The following ZNF680 variants were observed in gnomAD, a reference collection of about 807,000 sequenced individuals.
ZNF680 encodes the protein zinc finger protein 680, also known as hypothetical protein FLJ90430.
A neutral mutation model predicts 12.1 loss-of-function variants in ZNF680; 6 were observed. That is an observed-to-expected ratio of 0.49 (90% confidence interval 0.27 to 0.98). The LOEUF (loss-of-function observed/expected upper bound fraction) is 0.98. Among genes scored for constraint, ZNF680 ranks in the 50% least tolerant of loss-of-function variants. ZNF680 has a pLI of 0.12. For synonymous variants in ZNF680, 170 were observed against 199.3 expected, an observed-to-expected ratio of 0.85 and a Z score of 1.24; for missense variants, 561 against 616.3, an observed-to-expected ratio of 0.91 and a Z score of 0.95.
intron 1 of ZNF680, among the ~76,000 whole-genome samples, chr7:64,550,985 T>TA (rs1206216201): frequency 6.6e-6 from 1 of 152,166 alleles, no homozygotes; most frequent in East Asian, 1.9e-4. Context: ...ACTGTTATAT[T>TA]ACACAATTAA....
intron 3 of ZNF680, among the ~76,000 whole-genome samples, chr7:64,538,948 T>G (rs1316550591): frequency 6.6e-6 from 1 of 151,946 alleles, no homozygotes; most frequent in African/African-American, 2.4e-5. Flanking sequence ...TTTGCCAACA[T>G]GGTGAAACCT....
intron 1 of ZNF680, among the ~76,000 whole-genome samples, chr7:64,545,355 A>G (rs1438104702): frequency 1.3e-5 from 2 of 151,742 alleles, no homozygotes; most frequent in African/African-American, 4.8e-5. Context: ...CCAAAGACAT[A>G]TATGCAAATA....
intron 1 of ZNF680, among the ~76,000 whole-genome samples, chr7:64,546,584 T>C (rs1384019940): frequency 6.6e-6 from 1 of 151,790 alleles, no homozygotes; most frequent in Non-Finnish European, 1.5e-5. Context: ...TCTATTAAAA[T>C]ACAAAAAAAT....
chr7:64,505,452 CATA>C, the ZNF680 span, among the ~76,000 whole-genome samples: 2 of 152,190 alleles, frequency 1.3e-5, no homozygotes, highest in Admixed American at 6.5e-5. Context: ...TATGCTTTTT[CATA>C]ATAAGTTCAA....
intron 3 of ZNF680, among the ~76,000 whole-genome samples, chr7:64,532,688 T>C (rs1785952920): frequency 6.6e-6 from 1 of 152,132 alleles, no homozygotes; most frequent in Non-Finnish European, 1.5e-5. Flanking sequence ...GCCAACATCA[T>C]GCTAATATCA....
At chr7:64,531,596 C>CA (rs34791051) in intron 3 of ZNF680, among the ~76,000 whole-genome samples, 3,893 of 95,020 alleles carry the variant, frequency 0.041, 192 homozygotes, top group African/African-American at 0.098. Context: ...GACTCCGTCT[C>CA]AAAAAAAAAA....
intron 1 of ZNF680, among the ~76,000 whole-genome samples, chr7:64,549,349 T>C (rs1456705236): frequency 6.6e-6 from 1 of 152,226 alleles, no homozygotes; most frequent in Non-Finnish European, 1.5e-5. Context: ...TGAGATTCTA[T>C]GTATACCTGG....
At chr7:64,499,144 C>T in the ZNF680 span, among the ~76,000 whole-genome samples, 267 of 152,064 alleles carry the variant, frequency 1.8e-3, 2 homozygotes, top group African/African-American at 5.9e-3. Context: ...ACAAAATACA[C>T]CCACTAAACT....
chr7:64,561,787 T>C (rs1476715093), intron 1 of ZNF680, among the ~76,000 whole-genome samples: 1 of 149,540 alleles, frequency 6.7e-6, no homozygotes, highest in Non-Finnish European at 1.5e-5. Context: ...ACAAAAAAAT[T>C]AGCCAGGCGT....
At chr7:64,507,997 T>C in the ZNF680 span, among the ~76,000 whole-genome samples, 1 of 150,918 alleles carries the variant, frequency 6.6e-6, no homozygotes, top group Non-Finnish European at 1.5e-5. Context: ...ATGTTCAAAA[T>C]AATAAAATAC....
chr7:64,501,293 G>A, the ZNF680 span: 4 of 1,079,532 alleles, frequency 3.7e-6, no homozygotes, highest in Admixed American at 1.7e-5. Flanking sequence ...CCCTCGAAAC[G>A]TCAGCATGTT....
At chr7:64,501,657 G>C in the ZNF680 span, 521 of 976,890 alleles carry the variant, frequency 5.3e-4, 3 homozygotes, top group East Asian at 0.013. Flanking sequence ...AGCTGGAGTT[G>C]ACCAAGGATG....
the ZNF680 span, among the ~76,000 whole-genome samples, chr7:64,506,521 CA>C: frequency 2.0e-5 from 3 of 152,128 alleles, no homozygotes; most frequent in Non-Finnish European, 2.9e-5. Context: ...TCTAAGTAAA[CA>C]AAGATAATAC....
chr7:64,536,464 C>T (rs945623207), intron 3 of ZNF680, among the ~76,000 whole-genome samples: 3 of 152,104 alleles, frequency 2.0e-5, no homozygotes, highest in Admixed American at 6.6e-5. Flanking sequence ...GAAGGAAACA[C>T]GTTCTTTTAA....
the ZNF680 span, among the ~76,000 whole-genome samples, chr7:64,513,971 G>T: frequency 1.3e-3 from 197 of 152,158 alleles, 1 homozygote; most frequent in African/African-American, 4.4e-3. Flanking sequence ...AATAATAAGA[G>T]CTAGTAAAAG....
chr7:64,557,826 A>C (rs1787507770), intron 1 of ZNF680, among the ~76,000 whole-genome samples: 1 of 152,152 alleles, frequency 6.6e-6, no homozygotes, highest in African/African-American at 2.4e-5. Context: ...GCGGAGGACA[A>C]AGAGAGGAAA....
chr7:64,521,784 A>G lies in ZNF680; in HGVS notation c.970T>C (p.Cys324Arg), dbSNP rs1276163932. The G allele has an allele frequency of 1.2e-6, 2 of 1,613,082 alleles. No individual in the cohort carries two copies. The highest frequency in any genetic ancestry group is 1.3e-5 in the African/African-American group (1 of 74,890). ...RIHTGEKPFK[C>R]EECGKDFNQF... The stretch of plus-strand genomic sequence containing the variant: ...TTAAAGTCTTTGCCACATTCTTCAC[A>G]TTTGAAGGGTTTCTCTCCAGTATGA... Residue 324 changes from cysteine (C) to arginine (R), a missense_variant, in exon 4 of 4, where the codon TGT becomes CGT. Cys to Arg is a radical substitution (Grantham distance 180, BLOSUM62 -3). Coordinates refer to ENST00000309683, the MANE Select transcript of ZNF680 (RefSeq NM_178558.5).
intron 3 of ZNF680, among the ~76,000 whole-genome samples, chr7:64,523,367 C>A (rs567482108): frequency 2.0e-5 from 3 of 150,770 alleles, no homozygotes; most frequent in Non-Finnish European, 3.0e-5. Context: ...CAAGGTACCA[C>A]AAAGAAAGTA....
chr7:64,499,636 C>T, the ZNF680 span, among the ~76,000 whole-genome samples: 6 of 152,016 alleles, frequency 3.9e-5, no homozygotes, highest in South Asian at 2.1e-4. Flanking sequence ...CGCGCCTGCT[C>T]GGGAGGCTGA....
Sources: gnomAD v4.1 joint callset for allele counts (sites outside exome capture counted in the v4.1 genomes callset) on GRCh38, gnomAD v4.1.1 for gene constraint, MANE v1.5 for transcripts, NCBI Gene and HGNC (gene_info 2026-07-23, HGNC 2026-07-21) for gene names.